The following FABP6 variants were observed in gnomAD, a reference collection of about 807,000 sequenced individuals.
The protein encoded by FABP6 is gastrotropin.
FABP6 carries 13 observed loss-of-function variants against 14.9 expected under a neutral mutation model. That is an observed-to-expected ratio of 0.87 (90% confidence interval 0.57 to 1.39). The LOEUF is 1.39. Ranked by LOEUF, FABP6 falls within the 40% of genes most tolerant of loss-of-function variation. The pLI is 0.00. For synonymous variants in FABP6, 75 were observed against 63.6 expected (o/e 1.18, Z -0.85); for missense variants, 161 against 167.2 (o/e 0.96, Z 0.20).
chr5:160,229,229 G>A (rs1053282085), upstream of FABP6, among the ~76,000 whole-genome samples: 3 of 152,176 alleles, frequency 2.0e-5, no homozygotes, highest in Admixed American at 2.0e-4. Flanking sequence ...GATGGTGAGA[G>A]CATGGGTTGA....
At chr5:160,216,988 A>T (rs1561749442) in intron 3 of FABP6, among the ~76,000 whole-genome samples, 1 of 152,256 alleles carries the variant, frequency 6.6e-6, no homozygotes, top group East Asian at 1.9e-4. Context: ...TCCGCTTACC[A>T]CCTGGACATG....
intron 1 of FABP6, among the ~76,000 whole-genome samples, chr5:160,191,281 C>T (rs1005521372): frequency 6.6e-6 from 1 of 152,024 alleles, no homozygotes; most frequent in Non-Finnish European, 1.5e-5. Context: ...GCCTGGCCAA[C>T]ATGGTGACAC....
At chr5:160,224,135 C>T (rs1760194181) in intron 3 of FABP6, among the ~76,000 whole-genome samples, 1 of 152,066 alleles carries the variant, frequency 6.6e-6, no homozygotes, top group African/African-American at 2.4e-5. Flanking sequence ...ACTCAGGAGG[C>T]TGAGGCAGGA....
chr5:160,223,925 T>C, intron 3 of FABP6, among the ~76,000 whole-genome samples: 1 of 106,518 alleles, frequency 9.4e-6, no homozygotes, highest in Non-Finnish European at 1.9e-5. Flanking sequence ...CAAAGTGAGA[T>C]CCCATCTCTA....
chr5:160,212,919 C>T (rs577370620), intron 2 of FABP6, among the ~76,000 whole-genome samples: 2 of 152,250 alleles, frequency 1.3e-5, no homozygotes, highest in East Asian at 3.9e-4. Context: ...GTCCAGCCCT[C>T]CTATGCAAGT....
intron 3 of FABP6, among the ~76,000 whole-genome samples, chr5:160,219,542 T>C (rs1181536614): frequency 6.6e-6 from 1 of 151,576 alleles, no homozygotes; most frequent in Non-Finnish European, 1.5e-5. Flanking sequence ...GGATGGAAGG[T>C]GGAGGGTCAG....
At chr5:160,216,072 G>C (rs2113112235) in intron 3 of FABP6, among the ~76,000 whole-genome samples, 1 of 152,288 alleles carries the variant, frequency 6.6e-6, no homozygotes, top group Non-Finnish European at 1.5e-5. Flanking sequence ...CCATGGGCTG[G>C]ATAGGAAAGC....
intron 3 of FABP6, among the ~76,000 whole-genome samples, chr5:160,221,324 G>A (rs1476850751): frequency 6.6e-6 from 1 of 152,048 alleles, no homozygotes; most frequent in Non-Finnish European, 1.5e-5. Context: ...ATCTCTACAG[G>A]TTGGACTAAT....
chr5:160,188,252 T>C (rs1171039537), intron 1 of FABP6, among the ~76,000 whole-genome samples: 1 of 152,072 alleles, frequency 6.6e-6, no homozygotes, highest in Non-Finnish European at 1.5e-5. Context: ...CCCGATTCCT[T>C]ATCAGCTACA....
chr5:160,213,931 T>A, intron 3 of FABP6: 2 of 865,388 alleles, frequency 2.3e-6, no homozygotes, highest in Non-Finnish European at 3.8e-6. Context: ...GAGATCCTTC[T>A]GCATTGTTAG....
chr5:160,214,114 TC>T (rs1759958524), intron 3 of FABP6, among the ~76,000 whole-genome samples: 1 of 139,862 alleles, frequency 7.1e-6, no homozygotes, highest in African/African-American at 2.7e-5. Flanking sequence ...TTTCTTTCTT[TC>T]TTTCTTTCTT....
chr5:160,229,044 C>T (rs1760311179), upstream of FABP6, among the ~76,000 whole-genome samples: 1 of 152,228 alleles, frequency 6.6e-6, no homozygotes, highest in Admixed American at 6.5e-5. Context: ...GGGCACATCA[C>T]ATCCTGCTTA....
At chr5:160,190,675 G>T (rs1201019659) in intron 1 of FABP6, among the ~76,000 whole-genome samples, 1 of 152,192 alleles carries the variant, frequency 6.6e-6, no homozygotes. Flanking sequence ...AAGTCTAGGA[G>T]CCCTTGAGAA....
At chr5:160,237,298 G>A (rs1391337128) in intron 3 of FABP6, among the ~76,000 whole-genome samples, 1 of 152,082 alleles carries the variant, frequency 6.6e-6, no homozygotes, top group African/African-American at 2.4e-5. Flanking sequence ...TCATCATGGA[G>A]CCCATGTGGT....
rs765042843 is a variant in FABP6 at position 160,219,325 on chromosome 5, G to A, written c.135+5506G>A. 5.5e-4 allele frequency among the ~76,000 whole-genome samples: 83 copies of A among 152,190 alleles called. 1 individual carries two copies. The highest frequency in any genetic ancestry group is 6.8e-4 in the Non-Finnish European group (46 of 68,038). On this transcript the variant is annotated intron_variant, in intron 3 of 6. Coordinates refer to the FABP6 transcript ENST00000393980. ...CTGAGGCAGGGGCCAGAGTTCAGGT[G>A]GAAAGCTGGGGTGGCCCAGGGGAAT...
At chr5:160,216,026 A>G (rs2113112143) in intron 3 of FABP6, among the ~76,000 whole-genome samples, 1 of 152,270 alleles carries the variant, frequency 6.6e-6, no homozygotes, top group South Asian at 2.1e-4. Flanking sequence ...AATGTGGCGG[A>G]AGGACATTGA....
intron 1 of FABP6, chr5:160,196,034 T>C (rs1469089190): frequency 1.3e-5 from 2 of 152,502 alleles, no homozygotes; most frequent in Non-Finnish European, 2.9e-5. Flanking sequence ...CAGGAGGATT[T>C]ATTCCAGGCT....
At chr5:160,230,162 C>T (rs911248358) in intron 1 of FABP6, among the ~76,000 whole-genome samples, 74 of 151,752 alleles carry the variant, frequency 4.9e-4, no homozygotes, top group Non-Finnish European at 9.1e-4. Context: ...GAATTACAGG[C>T]GTGAGCTGCC....
chr5:160,218,091 A>G (rs994139683), intron 3 of FABP6, among the ~76,000 whole-genome samples: 10 of 152,140 alleles, frequency 6.6e-5, no homozygotes, highest in Non-Finnish European at 1.3e-4. Flanking sequence ...GACACAGGCC[A>G]CCATGCCTAG....
Sources: allele counts gnomAD v4.1 joint callset (sites outside exome capture counted in the v4.1 genomes callset), GRCh38; gene constraint gnomAD v4.1.1; transcripts MANE v1.5; gene names NCBI Gene and HGNC (gene_info 2026-07-23, HGNC 2026-07-21).